The following MYO18B variants were observed in gnomAD, a reference collection of about 807,000 sequenced individuals.
MYO18B encodes myosin XVIIIB, also known as unconventional myosin-XVIIIb.
A neutral mutation model predicts 273.0 loss-of-function variants in MYO18B; 204 were observed. The observed-to-expected ratio is 0.75, with a 90% CI of 0.67 to 0.84. The LOEUF is 0.84. Among genes scored for constraint, MYO18B ranks in the 40% least tolerant of loss-of-function variants. MYO18B has a pLI of 0.00. For synonymous variants in MYO18B, 1,330 were observed against 1,305.7 expected (o/e 1.02, Z -0.40); for missense variants, 3,212 against 3,287.6 (o/e 0.98, Z 0.56).
the MYO18B span, among the ~76,000 whole-genome samples, chr22:26,045,813 A>G: frequency 6.6e-6 from 1 of 152,244 alleles, no homozygotes; most frequent in Non-Finnish European, 1.5e-5. Context: ...AGACCAGCAG[A>G]GCAGAGCAGA....
At chr22:25,845,862 G>A (rs944201191) in intron 18 of MYO18B, among the ~76,000 whole-genome samples, 5 of 152,356 alleles carry the variant, frequency 3.3e-5, no homozygotes, top group Middle Eastern at 3.4e-3. Context: ...CAGGGAGGGA[G>A]CATTTGAAGG....
intron 38 of MYO18B, 114 bp from the exon 39 acceptor site, chr22:25,955,065 T>A: frequency 1.7e-6 from 2 of 1,150,474 alleles, no homozygotes; most frequent in South Asian, 3.3e-5. Flanking sequence ...AGTATTCTTA[T>A]CCTGATTATG....
At position 25,947,717 on chromosome 22, in the gene MYO18B, T is replaced by A; in HGVS notation, c.5637T>A (p.Asp1879Glu). The change falls in exon 36 of 44, where the codon GAT becomes GAA. Residue 1879 changes from aspartate to glutamate, a missense_variant. By Grantham distance (45) the Asp-to-Glu change is conservative (BLOSUM62 2). Transcript: ENST00000335473. Reference sequence around the variant, plus strand: ...CACTGATCTGCCTCCCCCAGGTGGATGAGCAGCTGTACAGGCTGCAGTTTG... The same window carrying A: ...CACTGATCTGCCTCCCCCAGGTGGAAGAGCAGCTGTACAGGCTGCAGTTTG... Reference protein sequence around the residue: ...ENMTRNKSLVDEQLYRLQFEK... With the variant: ...ENMTRNKSLVEEQLYRLQFEK... 2 of 1,612,954 alleles carry A rather than the reference T, an allele frequency of 1.2e-6. No individual in the cohort carries two copies. The highest frequency in any genetic ancestry group is 2.2e-5 in the East Asian group (1 of 44,868).
chr22:25,787,276 A>ACG (rs2087439688), intron 11 of MYO18B, among the ~76,000 whole-genome samples: 3 of 5,496 alleles, frequency 5.5e-4, no homozygotes, highest in South Asian at 2.4e-3. Context: ...GCGCGCGCAC[A>ACG]CACACACACA....
Position 25,770,961 on chromosome 22 carries a change from G to A in MYO18B, c.1669G>A (p.Val557Met). 6.4e-7 allele frequency: 1 copy of A among 1,552,252 alleles called. No individual in the cohort carries two copies. ...TGATGCTGACAAAACCATCACTGAG[G>A]TGGATGAGGAGCATGTCCATCGGGT... is the stretch of plus-strand genomic sequence containing the variant. ...WIDADKTITE[V>M]DEEHVHRANP... Residue 557 changes from valine to methionine, a missense_variant, in exon 6 of 44, where the codon GTG (valine) becomes ATG (methionine). By Grantham distance (21) the Val-to-Met change is conservative. Coordinates refer to ENST00000335473, the MANE Select transcript of MYO18B (RefSeq NM_032608.7).
At chr22:25,976,415 C>T (rs912184496) in intron 39 of MYO18B, among the ~76,000 whole-genome samples, 1 of 152,090 alleles carries the variant, frequency 6.6e-6, no homozygotes, top group African/African-American at 2.4e-5. Context: ...CAAAAAAGTC[C>T]ATTATGCAAT....
the MYO18B span, among the ~76,000 whole-genome samples, chr22:26,047,172 G>C: frequency 6.7e-6 from 1 of 149,550 alleles, no homozygotes; most frequent in African/African-American, 2.5e-5. Flanking sequence ...TGTCACCCAG[G>C]CTGGAGTGTA....
At chr22:25,756,137 G>T (rs551649132) in intron 1 of MYO18B, among the ~76,000 whole-genome samples, 1 of 152,042 alleles carries the variant, frequency 6.6e-6, no homozygotes, top group Non-Finnish European at 1.5e-5. Flanking sequence ...CTCGTGATCC[G>T]CCTGCCTCAG....
At chr22:25,784,473 C>A (rs961266540) in intron 10 of MYO18B, among the ~76,000 whole-genome samples, 5 of 152,218 alleles carry the variant, frequency 3.3e-5, no homozygotes, top group African/African-American at 1.2e-4. Flanking sequence ...TGCCACATGG[C>A]AGCACTGGGG....
At chr22:25,858,708 C>T (rs117331264) in intron 21 of MYO18B, among the ~76,000 whole-genome samples, 25 of 152,180 alleles carry the variant, frequency 1.6e-4, no homozygotes, top group Non-Finnish European at 2.4e-4. Flanking sequence ...CACAGGCTAT[C>T]GGAATTTTCC....
intron 42 of MYO18B, among the ~76,000 whole-genome samples, chr22:26,016,285 G>A (rs1026110922): frequency 6.6e-6 from 1 of 152,226 alleles, no homozygotes; most frequent in Non-Finnish European, 1.5e-5. Context: ...TGTAGAGCCA[G>A]TACTTGCACC....
At chr22:25,804,097 G>A (rs1264966168) in intron 12 of MYO18B, among the ~76,000 whole-genome samples, 1 of 151,814 alleles carries the variant, frequency 6.6e-6, no homozygotes, top group Admixed American at 6.6e-5. Flanking sequence ...ACACTGGCAG[G>A]TAGCTACAAC....
Position 25,823,693 on chromosome 22 carries a change from C to T in MYO18B, c.2695+15C>T. The T allele has an allele frequency of 6.2e-7, 1 of 1,613,586 alleles. No individual in the cohort carries two copies. The highest frequency in any genetic ancestry group is 1.7e-5 in the Admixed American group (1 of 60,002). On this transcript the variant is annotated intron_variant, in intron 13 of 43. Transcript: ENST00000335473. ...AACCAGCTCAGGTACATGGCTGCTG[C>T]CTCTTTGGGTGAGCTGGGCCCCCCT...
chr22:25,790,639 G>T (rs897098468), intron 11 of MYO18B, among the ~76,000 whole-genome samples: 1 of 152,190 alleles, frequency 6.6e-6, no homozygotes, highest in Non-Finnish European at 1.5e-5. Flanking sequence ...GTAAATAAAT[G>T]AACGAGCATG....
Position 25,780,115 on chromosome 22 carries a change from C to G in MYO18B, c.2128C>G (p.His710Asp). 1 of 1,603,010 alleles carries G rather than the reference C, an allele frequency of 6.2e-7. No individual in the cohort carries two copies. Among genetic ancestry groups the G allele is most frequent in the Non-Finnish European group, 8.5e-7 (1 of 1,175,746 alleles). The change falls in exon 9 of 44, where the codon CAC becomes GAC. Residue 710 changes from histidine to aspartate, a missense_variant. By Grantham distance (81) the His-to-Asp change is moderately conservative (BLOSUM62 -1). Transcript: ENST00000335473. ...LRAFGSVSMAHSRSATRFSMV... is the reference protein window; with the variant it reads ...LRAFGSVSMADSRSATRFSMV... ...GGCCTTCGGCTCTGTGTCCATGGCC[C>G]ACAGCCGCAGTGCCACCCGGTTCTC...
chr22:26,000,168 C>T (rs973584993), intron 40 of MYO18B, among the ~76,000 whole-genome samples: 14 of 152,258 alleles, frequency 9.2e-5, no homozygotes, highest in African/African-American at 2.4e-4. Flanking sequence ...CAGACATGGA[C>T]TTGCCTTGTG....
chr22:25,906,183 A>G (rs754862608), intron 31 of MYO18B, among the ~76,000 whole-genome samples: 3 of 152,210 alleles, frequency 2.0e-5, no homozygotes, highest in Non-Finnish European at 4.4e-5. Context: ...ATATTTATTG[A>G]TTATAATACA....
At chr22:26,062,292 G>GA in the MYO18B span, among the ~76,000 whole-genome samples, 1 of 152,120 alleles carries the variant, frequency 6.6e-6, no homozygotes, top group South Asian at 2.1e-4. Flanking sequence ...AGGATGGGAA[G>GA]GTATCTAAAT....
chr22:25,834,662 G>A (rs890796361), intron 16 of MYO18B, among the ~76,000 whole-genome samples: 1 of 152,164 alleles, frequency 6.6e-6, no homozygotes, highest in Admixed American at 6.5e-5. Flanking sequence ...CCCTCAGAGA[G>A]GCCCTTTAAA....
Sources: gnomAD v4.1 joint callset for allele counts (sites outside exome capture counted in the v4.1 genomes callset) on GRCh38, gnomAD v4.1.1 for gene constraint, MANE v1.5 for transcripts, NCBI Gene and HGNC (gene_info 2026-07-23, HGNC 2026-07-21) for gene names.